RALGPS1: variants seen among roughly 807,000 people sequenced by gnomAD.
RALGPS1 encodes Ral GEF with PH domain and SH3 binding motif 1.
A neutral mutation model predicts 78.8 loss-of-function variants in RALGPS1; 19 were observed. The observed-to-expected ratio is 0.24, with a 90% CI of 0.17 to 0.35. RALGPS1 has a LOEUF of 0.35. Among genes scored for constraint, RALGPS1 ranks in the 10% least tolerant of loss-of-function variants. The pLI is 1.00. For synonymous variants in RALGPS1, 228 were observed against 256.3 expected (o/e 0.89, Z 1.06); for missense variants, 454 against 688.3 (o/e 0.66, Z 3.81).
chr9:126,958,140 A>T (rs866437841), intron 1 of RALGPS1, among the ~76,000 whole-genome samples: 2,190 of 79,740 alleles, frequency 0.027, 58 homozygotes, highest in African/African-American at 0.069. Flanking sequence ...AAAAAAAAAA[A>T]AAATATATAT....
chr9:127,167,704 C>T (rs1167606347), intron 9 of RALGPS1, among the ~76,000 whole-genome samples: 1 of 152,230 alleles, frequency 6.6e-6, no homozygotes, highest in Admixed American at 6.5e-5. Flanking sequence ...TGCTCAGAAT[C>T]TCGCTATGAA....
intron 8 of RALGPS1, among the ~76,000 whole-genome samples, chr9:127,137,985 T>C (rs1044227441): frequency 2.4e-4 from 37 of 152,170 alleles, no homozygotes; most frequent in African/African-American, 8.9e-4. Flanking sequence ...ATCAGTATGA[T>C]TAGAGTCCTT....
chr9:126,999,416 A>G (rs779926363), intron 4 of RALGPS1, among the ~76,000 whole-genome samples: 1 of 152,224 alleles, frequency 6.6e-6, no homozygotes, highest in Non-Finnish European at 1.5e-5. Flanking sequence ...AATCACATGC[A>G]TCTGCCATTA....
At chr9:127,053,346 G>A (rs1203078333) in intron 7 of RALGPS1, among the ~76,000 whole-genome samples, 1 of 152,168 alleles carries the variant, frequency 6.6e-6, no homozygotes, top group Non-Finnish European at 1.5e-5. Flanking sequence ...AGTTTCTCTG[G>A]AGAAACCTGT....
chr9:126,947,301 A>G (rs2037369990), intron 1 of RALGPS1, among the ~76,000 whole-genome samples: 1 of 152,202 alleles, frequency 6.6e-6, no homozygotes, highest in African/African-American at 2.4e-5. Flanking sequence ...TGAAGTAGGT[A>G]CAGGGGTAGG....
chr9:127,094,435 A>G (rs1190538594), intron 8 of RALGPS1, among the ~76,000 whole-genome samples: 1 of 152,252 alleles, frequency 6.6e-6, no homozygotes. Context: ...CTGGGGGCCA[A>G]GTACAGTTGG....
At chr9:126,985,112 C>T (rs1293545156) in intron 4 of RALGPS1, among the ~76,000 whole-genome samples, 1 of 152,188 alleles carries the variant, frequency 6.6e-6, no homozygotes, top group Non-Finnish European at 1.5e-5. Context: ...TGGTTTTGCC[C>T]ATGGAATGTG....
At chr9:127,201,530 G>A (rs1007177805) in intron 14 of RALGPS1, among the ~76,000 whole-genome samples, 2 of 152,214 alleles carry the variant, frequency 1.3e-5, no homozygotes, top group African/African-American at 4.8e-5. Context: ...AAAAGCAAAG[G>A]AGCATTCTGG....
intron 1 of RALGPS1, among the ~76,000 whole-genome samples, chr9:126,961,155 T>C (rs563054048): frequency 7.9e-5 from 12 of 152,326 alleles, no homozygotes; most frequent in African/African-American, 2.9e-4. Context: ...TCTAGAGGTG[T>C]GTGCACTTGG....
chr9:126,957,139 G>A (rs1316144812), intron 1 of RALGPS1, among the ~76,000 whole-genome samples: 1 of 152,242 alleles, frequency 6.6e-6, no homozygotes, highest in Non-Finnish European at 1.5e-5. Context: ...CACAGCACCT[G>A]CACTCACTTT....
At chr9:127,007,609 G>T (rs1349222000) in intron 4 of RALGPS1, among the ~76,000 whole-genome samples, 1 of 152,192 alleles carries the variant, frequency 6.6e-6, no homozygotes, top group Non-Finnish European at 1.5e-5. Flanking sequence ...TGGTAAAGGG[G>T]AGAAGGAGTT....
At chr9:126,989,875 T>G in intron 4 of RALGPS1, 1 of 1,550,022 alleles carries the variant, frequency 6.5e-7, no homozygotes. Context: ...ATCTGTTGGG[T>G]CCTTTTCTGG....
At chr9:127,125,506 T>C (rs949383638) in intron 8 of RALGPS1, among the ~76,000 whole-genome samples, 3 of 152,234 alleles carry the variant, frequency 2.0e-5, no homozygotes, top group African/African-American at 7.2e-5. Context: ...CCAGGGTTAC[T>C]GTGAGGATTG....
rs758824247 is a variant in RALGPS1, at chr9:127,196,513, G to A, written c.1077G>A (p.Ala359=). 27 of 1,613,966 alleles carry A rather than the reference G, an allele frequency of 1.7e-5. No homozygotes were observed. Among genetic ancestry groups the A allele is most frequent in the Middle Eastern group, 1.6e-4 (1 of 6,082 alleles). ...CQLSVVESKS[A]TFPSEKARHL... ...TGAGTGTAGTTGAGAGTAAAAGTGC[G>A]ACATTCCCATCGGAGAAAGCAAGGC... The change falls in exon 13 of 19, where the codon GCG becomes GCA. Residue 359 remains alanine (A), a synonymous_variant. Transcript: ENST00000259351.
At chr9:126,989,614 T>C (rs2042105890) in intron 4 of RALGPS1, among the ~76,000 whole-genome samples, 1 of 152,094 alleles carries the variant, frequency 6.6e-6, no homozygotes, top group Non-Finnish European at 1.5e-5. Context: ...CTGCTGGTCC[T>C]CTCCCTCTAG....
intron 4 of RALGPS1, among the ~76,000 whole-genome samples, chr9:127,027,728 T>G (rs1195013313): frequency 6.6e-6 from 1 of 152,224 alleles, no homozygotes; most frequent in Non-Finnish European, 1.5e-5. Context: ...CTTCTTTGCT[T>G]CCCTTAGCCT....
At chr9:126,983,226 T>G (rs960398104) in intron 4 of RALGPS1, among the ~76,000 whole-genome samples, 1 of 150,498 alleles carries the variant, frequency 6.6e-6, no homozygotes, top group African/African-American at 2.4e-5. Flanking sequence ...TGTAAGCCAC[T>G]GCGCCCAGCC....
At chr9:127,081,887 A>G (rs557947022) in intron 8 of RALGPS1, among the ~76,000 whole-genome samples, 2 of 152,372 alleles carry the variant, frequency 1.3e-5, no homozygotes, top group South Asian at 2.1e-4. Flanking sequence ...CGCTGTGGGA[A>G]TGCCACGCAG....
At chr9:127,004,983 A>G (rs1040946963) in intron 4 of RALGPS1, among the ~76,000 whole-genome samples, 3 of 152,214 alleles carry the variant, frequency 2.0e-5, no homozygotes, top group African/African-American at 7.2e-5. Flanking sequence ...CAAGCAAAAG[A>G]AGTCACTCTG....
Sources: gnomAD v4.1 joint callset for allele counts (sites outside exome capture counted in the v4.1 genomes callset) on GRCh38, gnomAD v4.1.1 for gene constraint, MANE v1.5 for transcripts, NCBI Gene and HGNC (gene_info 2026-07-23, HGNC 2026-07-21) for gene names.